Variants in TBX19 observed in about 807,000 individuals in gnomAD.
TBX19 encodes T-box transcription factor 19, also known as T-box transcription factor TBX19.
TBX19 carries 33 observed loss-of-function variants against 40.9 expected under a neutral mutation model. That is an observed-to-expected ratio of 0.81 (90% CI 0.61 to 1.08). TBX19 has a LOEUF of 1.08. TBX19 is among the 50% of genes least tolerant of loss of function. The pLI is 0.00. For missense variants in TBX19, 494 were observed against 574.0 expected (o/e 0.86, Z 1.42); for synonymous variants, 220 against 225.0 (o/e 0.98, Z 0.20).
chr1:168,293,911 A>ATTTTTTTTTT (rs1329839806), intron 3 of TBX19, among the ~76,000 whole-genome samples: 1 of 152,166 alleles, frequency 6.6e-6, no homozygotes, highest in Non-Finnish European at 1.5e-5. Flanking sequence ...CTTTAAAAAA[A>ATTTTTTTTTT]TTTTTTAAAG....
At chr1:168,284,311 T>G (rs1347386248) in intron 1 of TBX19, among the ~76,000 whole-genome samples, 1 of 152,208 alleles carries the variant, frequency 6.6e-6, no homozygotes, top group African/African-American at 2.4e-5. Flanking sequence ...CCCTTTCATG[T>G]CCATCCTTTA....
At chr1:168,301,172 A>T (rs969612720) in intron 5 of TBX19, among the ~76,000 whole-genome samples, 2 of 152,216 alleles carry the variant, frequency 1.3e-5, no homozygotes, top group African/African-American at 4.8e-5. Context: ...CCAGCTGCAG[A>T]GTTCTTTACT....
intron 3 of TBX19, among the ~76,000 whole-genome samples, chr1:168,295,633 G>A (rs1382821374): frequency 6.6e-6 from 1 of 152,232 alleles, no homozygotes; most frequent in African/African-American, 2.4e-5. Flanking sequence ...TCCCTCAGCT[G>A]GTGGCCAGTC....
intron 1 of TBX19, among the ~76,000 whole-genome samples, chr1:168,288,701 T>C (rs1215947287): frequency 6.6e-6 from 1 of 152,202 alleles, no homozygotes; most frequent in Non-Finnish European, 1.5e-5. Context: ...ATATATTATA[T>C]GTTTTATGAG....
At chr1:168,297,551 T>C in intron 3 of TBX19, 173 bp from the exon 4 acceptor site, 1 of 703,758 alleles carries the variant, frequency 1.4e-6, no homozygotes, top group Non-Finnish European at 2.6e-6. Flanking sequence ...TAAGCAAAGA[T>C]GGAAAGGGCC....
intron 3 of TBX19, among the ~76,000 whole-genome samples, chr1:168,294,374 C>T (rs984688033): frequency 2.6e-5 from 4 of 151,682 alleles, no homozygotes; most frequent in African/African-American, 4.9e-5. Flanking sequence ...ACTCTTGTTG[C>T]GCAGGCTGGA....
intron 6 of TBX19, 25 bp from the exon 7 acceptor site, chr1:168,308,717 A>G (rs775381402): frequency 1.2e-5 from 19 of 1,614,068 alleles, no homozygotes; most frequent in Non-Finnish European, 1.6e-5. Flanking sequence ...TTTGCTATCA[A>G]TTCAACTGTT....
intron 2 of TBX19, among the ~76,000 whole-genome samples, chr1:168,292,708 C>G (rs889376774): frequency 3.4e-4 from 52 of 151,524 alleles, no homozygotes; most frequent in Non-Finnish European, 6.5e-4. Flanking sequence ...ACTAAAAATA[C>G]AAAAAATTAG....
chr1:168,298,102 A>G (rs918439475), intron 4 of TBX19, among the ~76,000 whole-genome samples: 1 of 152,202 alleles, frequency 6.6e-6, no homozygotes, highest in Non-Finnish European at 1.5e-5. Flanking sequence ...AGGCTGAGGC[A>G]GGAGAATGGC....
chr1:168,283,562 C>G (rs1648726147), intron 1 of TBX19, among the ~76,000 whole-genome samples: 1 of 152,036 alleles, frequency 6.6e-6, no homozygotes, highest in Non-Finnish European at 1.5e-5. Flanking sequence ...CTTCTTTACT[C>G]CCTTCTTCCT....
chr1:168,281,145 C>T lies in TBX19; in HGVS notation c.55C>T (p.Leu19=), dbSNP rs753791024. 1 of 1,614,192 alleles carries T rather than the reference C, an allele frequency of 6.2e-7. No homozygotes were observed. Among genetic ancestry groups the T allele is most frequent in the Non-Finnish European group, 8.5e-7 (1 of 1,180,038 alleles). ...GCCCAGCGATGGCACTGTTTCTCAT[C>T]TGCTCAATGTGGTGGAGAGTGAGCT... ...RKPSDGTVSH[L]LNVVESELQA... Residue 19 remains leucine, a synonymous_variant, in exon 1 of 8, where the codon CTG becomes TTG. Coordinates refer to ENST00000367821, the MANE Select transcript of TBX19 (RefSeq NM_005149.3).
chr1:168,298,842 T>C (rs1216546336), intron 4 of TBX19, among the ~76,000 whole-genome samples: 366 of 25,590 alleles, frequency 0.014, 52 homozygotes, highest in Middle Eastern at 0.02. Flanking sequence ...TTTCTTTCTT[T>C]CTTTCTTTCT....
intron 3 of TBX19, among the ~76,000 whole-genome samples, 181 bp downstream of exon 3, chr1:168,293,459 G>A (rs529472303): frequency 1.3e-5 from 2 of 152,130 alleles, no homozygotes; most frequent in Admixed American, 1.3e-4. Context: ...CCTCCCTCTT[G>A]GCTGTTTGCT....
chr1:168,307,959 A>G (rs137992974), intron 6 of TBX19: 2 of 152,222 alleles, frequency 1.3e-5, no homozygotes, highest in African/African-American at 4.8e-5. Flanking sequence ...TTAGATCTCT[A>G]GACTTATTCA....
rs887743849 is a variant in TBX19 at position 168,313,767 on chromosome 1, A to G, written c.*765A>G. 4 of 152,494 alleles carry G rather than the reference A, an allele frequency of 2.6e-5. No individual in the cohort carries two copies. Among genetic ancestry groups the G allele is most frequent in the African/African-American group, 9.7e-5 (4 of 41,438 alleles). The allele number at this position is 152,494 out of a possible 1,614,324, so 9.4% of individuals were successfully genotyped here. The stretch of plus-strand genomic sequence containing the variant: ...GTCTCTACAAAAAATAGTCATGCAC[A>G]CAAAATTAGCTGGGCATGGTGGCCT... On this transcript the variant is annotated 3_prime_UTR_variant, in exon 8 of 8. Coordinates refer to ENST00000367821, the MANE Select transcript of TBX19 (RefSeq NM_005149.3).
In TBX19 at chr1:168,300,479, T is replaced by C; in HGVS notation, c.723T>C (p.Ser241=). The change falls in exon 5 of 8, where the codon TCT becomes TCC. Residue 241 remains serine, a synonymous_variant. Coordinates refer to ENST00000367821, the MANE Select transcript of TBX19 (RefSeq NM_005149.3). The part of the protein sequence containing the change: ...AISESQHVTY[S]HLGGWIFSNP... ...CTGAGAGCCAGCATGTGACCTATTCTCACTGTGAGTTGGGTGTACATGAGG... is the reference window on the plus strand; with the variant it reads ...CTGAGAGCCAGCATGTGACCTATTCCCACTGTGAGTTGGGTGTACATGAGG... 6 of 1,614,134 alleles carry C rather than the reference T, an allele frequency of 3.7e-6. No homozygotes were observed. Among genetic ancestry groups the C allele is most frequent in the Non-Finnish European group, 4.2e-6 (5 of 1,180,006 alleles).
chr1:168,292,586 C>T (rs1051951876), intron 2 of TBX19, among the ~76,000 whole-genome samples: 16 of 152,194 alleles, frequency 1.1e-4, no homozygotes, highest in African/African-American at 1.9e-4. Flanking sequence ...ACTCCTCAGC[C>T]GGGCGCGGTG....
intron 5 of TBX19, 70 bp downstream of exon 5, chr1:168,300,553 A>C: frequency 2.8e-6 from 4 of 1,425,496 alleles, no homozygotes; most frequent in Non-Finnish European, 3.9e-6. Context: ...CCACACTCAG[A>C]CTCTTTGCCT....
In TBX19 at chr1:168,293,289, G is replaced by GTT. The variant is rs765419221; in HGVS notation, c.603+12_603+13insTT. On this transcript the variant is annotated intron_variant, in intron 3 of 7. Coordinates refer to ENST00000367821, the MANE Select transcript of TBX19 (RefSeq NM_005149.3). ...TATCAGAATGAGGAGGTAAGAGTGT[G>GTT]TGTGTGTGTGTGTGTGTGTGTGTGT... 277 of 1,216,892 alleles carry GTT rather than the reference G, an allele frequency of 2.3e-4. No homozygotes were observed. Among genetic ancestry groups the GTT allele is most frequent in the Non-Finnish European group, 2.8e-4 (257 of 926,704 alleles). The allele number at this position is 1,216,892 out of a possible 1,614,324, so 75.4% of individuals were successfully genotyped here.
Sources: gnomAD v4.1 joint callset for allele counts (sites outside exome capture counted in the v4.1 genomes callset) on GRCh38, gnomAD v4.1.1 for gene constraint, MANE v1.5 for transcripts, NCBI Gene and HGNC (gene_info 2026-07-23, HGNC 2026-07-21) for gene names.